Variants in PDE9A observed in about 807,000 individuals in gnomAD.
The protein encoded by PDE9A is high affinity cGMP-specific 3',5'-cyclic phosphodiesterase 9A.
Under a neutral mutation model 87.4 loss-of-function variants are expected in PDE9A, and 60 were observed. That is an observed-to-expected ratio of 0.69 (90% CI 0.56 to 0.85). PDE9A has a LOEUF of 0.85. Among genes scored for constraint, PDE9A ranks in the 40% least tolerant of loss-of-function variants. The pLI is 0.00. For synonymous variants in PDE9A, 272 were observed against 279.4 expected, an observed-to-expected ratio of 0.97 and a Z score of 0.27; for missense variants, 665 against 779.0, an observed-to-expected ratio of 0.85 and a Z score of 1.74.
At chr21:42,761,970 C>T (rs1301405861) in intron 13 of PDE9A, 113 bp from the exon 14 acceptor site, 18 of 1,087,928 alleles carry the variant, frequency 1.7e-5, no homozygotes, top group African/African-American at 4.7e-5. Context: ...CCAGCCCCCA[C>T]GGCACCTTCT....
At chr21:42,721,471 G>A (rs1365797372) in intron 4 of PDE9A, among the ~76,000 whole-genome samples, 1 of 152,224 alleles carries the variant, frequency 6.6e-6, no homozygotes, top group Non-Finnish European at 1.5e-5. Context: ...TTGGCAGGCA[G>A]GACAGGCCAG....
At chr21:42,655,104 T>A (rs189113945) in intron 1 of PDE9A, among the ~76,000 whole-genome samples, 2 of 150,628 alleles carry the variant, frequency 1.3e-5, no homozygotes, top group African/African-American at 2.4e-5. Context: ...GCATGCACAC[T>A]CACACACACA....
chr21:42,748,916 T>C (rs1034122601), intron 8 of PDE9A, among the ~76,000 whole-genome samples: 1 of 152,228 alleles, frequency 6.6e-6, no homozygotes, highest in African/African-American at 2.4e-5. Context: ...AGCATTCTTA[T>C]TTTCCCTTTT....
intron 1 of PDE9A, among the ~76,000 whole-genome samples, chr21:42,661,408 CT>C (rs1208355614): frequency 2.0e-5 from 3 of 150,760 alleles, no homozygotes; most frequent in African/African-American, 4.9e-5. Flanking sequence ...CCCCCAGCCC[CT>C]GACCCCCACT....
chr21:42,670,524 TCA>T (rs141184102), intron 1 of PDE9A, among the ~76,000 whole-genome samples: 29,377 of 148,754 alleles, frequency 0.2, 2,996 homozygotes, highest in East Asian at 0.38. Context: ...ACACAGGCAA[TCA>T]CACATTCACA....
At chr21:42,769,596 G>A (rs2056796547) in intron 17 of PDE9A, among the ~76,000 whole-genome samples, 1 of 127,380 alleles carries the variant, frequency 7.9e-6, no homozygotes, top group African/African-American at 3.0e-5. Flanking sequence ...GTACACACAG[G>A]CACACAAATG....
Position 42,722,034 on chromosome 21 carries a change from G to A in PDE9A, c.263-9736G>A, listed in dbSNP as rs1384221913. ...CTCTGTCACCAGGCTGGAGTGCAGT[G>A]GCACAATCTCAGCTCACTGCAACCT... On this transcript the variant is annotated intron_variant, in intron 4 of 19. Transcript: ENST00000291539. The surrounding 1 kb of genome is among the most constrained non-coding windows in gnomAD (Gnocchi z 4.1). 1.3e-5 allele frequency among the ~76,000 whole-genome samples: 2 copies of A among 151,546 alleles called. No individual in the cohort carries two copies. Among genetic ancestry groups the A allele is most frequent in the Non-Finnish European group, 2.9e-5 (2 of 67,898 alleles).
At chr21:42,762,534 A>G (rs968358681) in intron 14 of PDE9A, among the ~76,000 whole-genome samples, 1 of 152,202 alleles carries the variant, frequency 6.6e-6, no homozygotes, top group African/African-American at 2.4e-5. Flanking sequence ...TTCCAGCCCA[A>G]GAAACTGAGG....
intron 1 of PDE9A, among the ~76,000 whole-genome samples, chr21:42,661,828 G>A (rs1459819387): frequency 6.6e-6 from 1 of 152,234 alleles, no homozygotes; most frequent in Non-Finnish European, 1.5e-5. Context: ...GTGCATGTCT[G>A]TGGTGTAGCC....
Position 42,731,839 on chromosome 21 carries a change from T to C in PDE9A, c.332T>C (p.Val111Ala), listed in dbSNP as rs768450484. ...SAERPLRDRR[V>A]VGLEQPRREG... The stretch of plus-strand genomic sequence containing the variant: ...GAGAGACCACTGAGGGACAGACGGG[T>C]TGTGGGCCTGGAGCAGCCCCGGAGG... Residue 111 changes from valine to alanine, a missense_variant, in exon 5 of 20, where the codon GTT becomes GCT. By Grantham distance (64) the Val-to-Ala change is moderately conservative. Coordinates refer to ENST00000291539, the MANE Select transcript of PDE9A (RefSeq NM_002606.3). The C allele has an allele frequency of 4.7e-5, 76 of 1,613,984 alleles. No individual in the cohort carries two copies. Among genetic ancestry groups the C allele is most frequent in the Non-Finnish European group, 6.2e-5 (73 of 1,179,998 alleles).
Position 42,702,731 on chromosome 21 carries a change from C to A in PDE9A, c.262+3720C>A, listed in dbSNP as rs1190661121. Among the ~76,000 whole-genome samples, 1 of 152,252 alleles carries A rather than the reference C, an allele frequency of 6.6e-6. No homozygotes were observed. The highest frequency in any genetic ancestry group is 1.5e-5 in the Non-Finnish European group (1 of 68,044). ...TAGCTCAGTCCTACTAAGACTTGAT[C>A]CCTTTGGGGTCTCCCCCAAACTCCT... On this transcript the variant is annotated intron_variant, in intron 4 of 19. Transcript: ENST00000291539. This position sits in a 1 kb window ranked among gnomAD's most constrained non-coding sequence, Gnocchi z 4.9.
rs568637250 is a variant in PDE9A, at chr21:42,684,211, C to G, written c.70-1981C>G. Among the ~76,000 whole-genome samples, 10 of 152,396 alleles carry G rather than the reference C, an allele frequency of 6.6e-5. No individual in the cohort carries two copies. The South Asian group carries it at 2.1e-3, about 32-fold the overall frequency. ...AAACCACATCCTGCTTCTCCAGAAG[C>G]TGCAGATCCAGAATGTTCAAAGAAA... On this transcript the variant is annotated intron_variant, in intron 1 of 19. Coordinates refer to ENST00000291539, the MANE Select transcript of PDE9A (RefSeq NM_002606.3).
At chr21:42,687,618 A>G (rs2059547498) in intron 2 of PDE9A, among the ~76,000 whole-genome samples, 1 of 152,178 alleles carries the variant, frequency 6.6e-6, no homozygotes, top group African/African-American at 2.4e-5. Flanking sequence ...TTCCTATTTT[A>G]CCACAGTTTT....
Position 42,762,077 on chromosome 21 carries a change from TCCC to T in PDE9A, c.1086-5_1086-3del. On this transcript the variant is annotated splice_region_variant and splice_polypyrimidine_tract_variant and intron_variant, in intron 13 of 19. Coordinates refer to ENST00000291539, the MANE Select transcript of PDE9A (RefSeq NM_002606.3). ...AGTCTCCCCTCACTCTCTCCTTGCC[TCCC>T]AGGTACCAGATCAATGCCCGCACAG... 6.2e-7 allele frequency: 1 copy of T among 1,612,608 alleles called. No individual in the cohort carries two copies. Among genetic ancestry groups the T allele is most frequent in the Non-Finnish European group, 8.5e-7 (1 of 1,179,170 alleles).
rs1555919454 is a variant in PDE9A at position 42,715,445 on chromosome 21, G to GTTATAGGAGCATA, written c.263-16325_263-16324insTTATAGGAGCATA. Among the ~76,000 whole-genome samples, 160 of 151,958 alleles carry GTTATAGGAGCATA rather than the reference G, an allele frequency of 1.1e-3. 4 individuals carry two copies. Among genetic ancestry groups the GTTATAGGAGCATA allele is most frequent in the South Asian group, 2.9e-3 (14 of 4,766 alleles). On this transcript the variant is annotated intron_variant, in intron 4 of 19. Transcript: ENST00000291539. The stretch of plus-strand genomic sequence containing the variant: ...AGTTCAAGACCAGACTGGCCAACAT[G>GTTATAGGAGCATA]GTGAAACCCTGTCTCTACTAAAAAT...
At chr21:42,681,381 C>T (rs1344822303) in intron 1 of PDE9A, among the ~76,000 whole-genome samples, 2 of 152,194 alleles carry the variant, frequency 1.3e-5, no homozygotes, top group Non-Finnish European at 2.9e-5. Context: ...ATGTGCGGTC[C>T]GCAGCCGATG....
At position 42,731,785 on chromosome 21, in the gene PDE9A, A is replaced by G. The variant is rs747828270; in HGVS notation, c.278A>G (p.Lys93Arg). The change falls in exon 5 of 20, where the codon AAG becomes AGG. Residue 93 changes from lysine to arginine, a missense_variant. Transcript: ENST00000291539. Reference protein sequence around the residue: ...IKQLSAGVEDKRTTSRGQSAE... With the variant: ...IKQLSAGVEDRRTTSRGQSAE... ...CTTTTTATAGCTGGTGTCGAGGACA[A>G]GAGAACCACAAGCCGTGGCCAGTCT... The G allele has an allele frequency of 6.2e-7, 1 of 1,613,294 alleles. No homozygotes were observed. Among genetic ancestry groups the G allele is most frequent in the East Asian group, 2.2e-5 (1 of 44,886 alleles).
At chr21:42,668,293 T>A (rs1333686657) in intron 1 of PDE9A, among the ~76,000 whole-genome samples, 2 of 151,860 alleles carry the variant, frequency 1.3e-5, no homozygotes, top group Non-Finnish European at 2.9e-5. Flanking sequence ...CAGGGAAGGG[T>A]TGCATTAGCT....
intron 1 of PDE9A, among the ~76,000 whole-genome samples, chr21:42,662,522 GCA>G (rs1315338601): frequency 1.6e-5 from 2 of 127,594 alleles, no homozygotes; most frequent in Non-Finnish European, 3.3e-5. Context: ...CACACACCAT[GCA>G]CACACACCAC....
Sources: allele counts gnomAD v4.1 joint callset (sites outside exome capture counted in the v4.1 genomes callset), GRCh38; gene constraint gnomAD v4.1.1; non-coding constraint Gnocchi (gnomAD v3.1); transcripts MANE v1.5; gene names NCBI Gene and HGNC (gene_info 2026-07-23, HGNC 2026-07-21).